The following KLHL10 variants were observed in gnomAD, a reference collection of about 807,000 sequenced individuals.
The protein encoded by KLHL10 is kelch-like protein 10.
In KLHL10, 11 loss-of-function variants were observed where a neutral mutation model predicts 46.6. The ratio of observed to expected loss-of-function variants is 0.24; its 90% CI spans 0.15 to 0.39. KLHL10 has a LOEUF of 0.39. KLHL10 is among the 10% of genes least tolerant of loss of function. The pLI, the probability that KLHL10 is intolerant of heterozygous loss-of-function variation, is 1.00. For missense variants in KLHL10, 475 were observed against 789.8 expected (o/e 0.60, Z 4.78); for synonymous variants, 254 against 279.1 (o/e 0.91, Z 0.90).
chr17:41,848,372 A>T lies in KLHL10; in HGVS notation c.*65A>T. 1 of 1,546,994 alleles carries T rather than the reference A, an allele frequency of 6.5e-7. No individual in the cohort carries two copies. Reference sequence around the variant, plus strand: ...ATTAATTCTTTTTTTAAAAAAATGCAGTGTTTAAACTTTGAAGAGTACTGG... The same window carrying T: ...ATTAATTCTTTTTTTAAAAAAATGCTGTGTTTAAACTTTGAAGAGTACTGG... On this transcript the variant is annotated 3_prime_UTR_variant, in exon 5 of 5. Transcript: ENST00000293303.
intron 3 of KLHL10, among the ~76,000 whole-genome samples, chr17:41,846,260 C>T (rs2048284449): frequency 6.7e-6 from 1 of 148,396 alleles, no homozygotes; most frequent in Non-Finnish European, 1.5e-5. Flanking sequence ...CGGTGACTCA[C>T]GCCTGTAATC....
chr17:41,838,038 G>A lies in KLHL10; in HGVS notation c.106G>A (p.Gly36Ser). The change falls in exon 1 of 5, where the codon GGC becomes AGC. Residue 36 changes from glycine (G) to serine (S), a missense_variant. Transcript: ENST00000293303. Reference sequence around the variant, plus strand: ...GATCTTCAACGAGCTTAGACTAGAGGGCAAGCTCTGCGACGTGGTCATCAA... The same window carrying A: ...GATCTTCAACGAGCTTAGACTAGAGAGCAAGCTCTGCGACGTGGTCATCAA... The part of the protein sequence containing the change: ...CEIFNELRLE[G>S]KLCDVVIKVN... The A allele has an allele frequency of 6.2e-7, 1 of 1,614,000 alleles. No homozygotes were observed. The highest frequency in any genetic ancestry group is 8.5e-7 in the Non-Finnish European group (1 of 1,179,992).
At chr17:41,847,846 T>G in intron 4 of KLHL10, 87 bp from the exon 5 acceptor site, 296 of 1,537,900 alleles carry the variant, frequency 1.9e-4, no homozygotes, top group Middle Eastern at 4.5e-4. Context: ...GAGGGAGTTA[T>G]GAGATCACTG....
upstream of KLHL10, chr17:41,836,431 A>G: frequency 1.0e-6 from 1 of 985,130 alleles, no homozygotes; most frequent in Non-Finnish European, 1.2e-6. Context: ...GAAGGTCCCA[A>G]GGTGTTGGGG....
intron 2 of KLHL10, among the ~76,000 whole-genome samples, chr17:41,844,229 T>TC (rs1376483664): frequency 6.6e-6 from 1 of 150,996 alleles, no homozygotes; most frequent in Non-Finnish European, 1.5e-5. Flanking sequence ...CTGGCTAATT[T>TC]TTTTTTTTTC....
upstream of KLHL10, chr17:41,835,991 G>A (rs782099504): frequency 2.3e-4 from 346 of 1,529,354 alleles, no homozygotes; most frequent in Non-Finnish European, 3.0e-4. Flanking sequence ...ACTGACCCCT[G>A]CGCCACGCTG....
At chr17:41,839,704 C>A (rs1555620522) in intron 1 of KLHL10, among the ~76,000 whole-genome samples, 1 of 152,018 alleles carries the variant, frequency 6.6e-6, no homozygotes, top group Non-Finnish European at 1.5e-5. Flanking sequence ...GCAGAGTCCA[C>A]AATTTATTTT....
upstream of KLHL10, chr17:41,836,329 G>A (rs2048159470): frequency 2.4e-6 from 3 of 1,228,518 alleles, no homozygotes; most frequent in African/African-American, 1.6e-5. Context: ...GCCGAGAATC[G>A]AGCGGTCCCG....
rs782784748 is a variant in KLHL10 at position 41,838,049 on chromosome 17, C to T, written c.117C>T (p.Cys39=). ...AGCTTAGACTAGAGGGCAAGCTCTG[C>T]GACGTGGTCATCAAGGTCAATGGCT... ...FNELRLEGKL[C]DVVIKVNGFE... The change falls in exon 1 of 5, where the codon TGC becomes TGT. Residue 39 remains cysteine, a synonymous_variant. Coordinates refer to ENST00000293303, the MANE Select transcript of KLHL10 (RefSeq NM_152467.5). The T allele has an allele frequency of 3.8e-5, 61 of 1,613,946 alleles. No individual in the cohort carries two copies. The highest frequency in any genetic ancestry group is 4.5e-5 in the East Asian group (2 of 44,878).
At chr17:41,836,073 A>G (rs1399205994), upstream of KLHL10, 6 of 1,389,200 alleles carry the variant, frequency 4.3e-6, no homozygotes, top group East Asian at 1.1e-4. Flanking sequence ...GGGGGCGGCT[A>G]CTGGCCTGGG....
At position 41,845,599 on chromosome 17, in the gene KLHL10, T is replaced by C. The variant is rs782549067; in HGVS notation, c.1158T>C (p.Asn386=). ...ATGTCAGTGTGACAGTCCTCGGCAATTTTATTTATGCCATGGGAGGATTTG... is the reference window on the plus strand; with the variant it reads ...ATGTCAGTGTGACAGTCCTCGGCAACTTTATTTATGCCATGGGAGGATTTG... ...RCYVSVTVLG[N]FIYAMGGFDG... is the part of the protein sequence containing the mutation. Residue 386 remains asparagine (N), a synonymous_variant, in exon 3 of 5, where the codon AAT becomes AAC. Transcript: ENST00000293303. 1.2e-6 allele frequency: 2 copies of C among 1,613,966 alleles called. No individual in the cohort carries two copies. The highest frequency in any genetic ancestry group is 4.5e-5 in the East Asian group (2 of 44,900).
intron 3 of KLHL10, among the ~76,000 whole-genome samples, chr17:41,846,323 C>T (rs573335687): frequency 1.8e-3 from 275 of 151,980 alleles, no homozygotes; most frequent in Non-Finnish European, 3.6e-3. Context: ...GAGATTGAGA[C>T]CATCCTGGCT....
upstream of KLHL10, chr17:41,836,366 G>T (rs1555620077): frequency 6.5e-6 from 8 of 1,225,234 alleles, no homozygotes; most frequent in Admixed American, 4.3e-5. Context: ...GGGTGGGCTT[G>T]CCGGTTGCGC....
intron 1 of KLHL10, among the ~76,000 whole-genome samples, chr17:41,841,160 G>T (rs2048222467): frequency 1.3e-5 from 2 of 151,104 alleles, no homozygotes; most frequent in African/African-American, 4.9e-5. Flanking sequence ...AAGAAAAAAA[G>T]AAAAGAAAAC....
intron 1 of KLHL10, among the ~76,000 whole-genome samples, chr17:41,839,391 T>C (rs1358419364): frequency 6.6e-6 from 1 of 152,136 alleles, no homozygotes; most frequent in Non-Finnish European, 1.5e-5. Flanking sequence ...AGGTTGGACA[T>C]CCCTACTGGA....
In KLHL10 at chr17:41,838,056, G is replaced by A; in HGVS notation, c.124G>A (p.Val42Ile). Residue 42 changes from valine to isoleucine, a missense_variant, in exon 1 of 5, where the codon GTC becomes ATC. Val to Ile is a conservative substitution (Grantham distance 29). Transcript: ENST00000293303. ...ACTAGAGGGCAAGCTCTGCGACGTG[G>A]TCATCAAGGTCAATGGCTTTGAGTT... Reference protein sequence around the residue: ...LRLEGKLCDVVIKVNGFEFSA... With the variant: ...LRLEGKLCDVIIKVNGFEFSA... 6.2e-7 allele frequency: 1 copy of A among 1,614,076 alleles called. No homozygotes were observed. Among genetic ancestry groups the A allele is most frequent in the Non-Finnish European group, 8.5e-7 (1 of 1,180,008 alleles).
intron 3 of KLHL10, among the ~76,000 whole-genome samples, chr17:41,846,393 G>A (rs933911852): frequency 4.6e-5 from 7 of 151,732 alleles, no homozygotes; most frequent in Non-Finnish European, 1.0e-4. Context: ...GTGGTGGCAG[G>A]CGCCTGTAGT....
In KLHL10 at chr17:41,837,879, C is replaced by T. The variant is rs1041616797; in HGVS notation, c.-54C>T. Reference sequence around the variant, plus strand: ...GACAGCTGGCTAAAGGGGCCCCCCACAACCCTCCCCGACACCCTAGGAAAG... The same window carrying T: ...GACAGCTGGCTAAAGGGGCCCCCCATAACCCTCCCCGACACCCTAGGAAAG... On this transcript the variant is annotated 5_prime_UTR_variant, in exon 1 of 5. Coordinates refer to ENST00000293303, the MANE Select transcript of KLHL10 (RefSeq NM_152467.5). 2.5e-6 allele frequency: 4 copies of T among 1,610,144 alleles called. No homozygotes were observed. The highest frequency in any genetic ancestry group is 1.3e-5 in the African/African-American group (1 of 74,828).
At chr17:41,836,575 G>A, upstream of KLHL10, 1 of 444,800 alleles carries the variant, frequency 2.2e-6, no homozygotes, top group Non-Finnish European at 3.0e-6. Context: ...GTAATCCCAG[G>A]ACTTTGGGAG....
Sources: allele counts gnomAD v4.1 joint callset (sites outside exome capture counted in the v4.1 genomes callset), GRCh38; gene constraint gnomAD v4.1.1; transcripts MANE v1.5; gene names NCBI Gene and HGNC (gene_info 2026-07-23, HGNC 2026-07-21).